Variants in POU6F2 observed in about 807,000 individuals in gnomAD.
The protein encoded by POU6F2 is POU class 6 homeobox 2, also known as POU domain, class 6, transcription factor 2.
Under a neutral mutation model 71.3 loss-of-function variants are expected in POU6F2, and 31 were observed. That is an observed-to-expected ratio of 0.43 (90% CI 0.33 to 0.59). The LOEUF (loss-of-function observed/expected upper bound fraction) is 0.59, where lower values mean the gene tolerates loss of function less well. Ranked by LOEUF, POU6F2 falls within the 20% of genes least tolerant of loss-of-function variation. The pLI, the probability that POU6F2 is intolerant of heterozygous loss-of-function variation, is 0.04. For synonymous variants in POU6F2, 347 were observed against 355.7 expected (o/e 0.98, Z 0.27); for missense variants, 783 against 856.8 (o/e 0.91, Z 1.07).
chr7:39,039,410 A>G (rs953075655), intron 1 of POU6F2, among the ~76,000 whole-genome samples: 21 of 152,058 alleles, frequency 1.4e-4, no homozygotes, highest in East Asian at 9.7e-4. Flanking sequence ...AGATGTCTAC[A>G]TCTTTAATTT....
chr7:39,454,727 TAAAATAAG>T (rs1225904043), intron 8 of POU6F2, among the ~76,000 whole-genome samples: 1 of 94,186 alleles, frequency 1.1e-5, no homozygotes, highest in Non-Finnish European at 2.2e-5. Context: ...TATATATATA[TAAAATAAG>T]ATATATATAT....
rs2128745355 is a variant in POU6F2 at position 39,204,339 on chromosome 7, C to G, written c.369+13C>G. On this transcript the variant is annotated intron_variant, in intron 3 of 9. Transcript: ENST00000518318. ...AGTTGGGCCACAGGTCAGTATCTCT[C>G]AACTGCTTTCCACTGGGCTGCATTT... is the stretch of plus-strand genomic sequence containing the variant. 6.3e-7 allele frequency: 1 copy of G among 1,597,628 alleles called. No homozygotes were observed. Among genetic ancestry groups the G allele is most frequent in the Non-Finnish European group, 8.6e-7 (1 of 1,165,440 alleles).
At chr7:39,051,444 A>G (rs1395364902) in intron 1 of POU6F2, among the ~76,000 whole-genome samples, 2 of 152,162 alleles carry the variant, frequency 1.3e-5, no homozygotes, top group African/African-American at 2.4e-5. Context: ...TTCTATGTAC[A>G]TAATATTCAG....
intron 5 of POU6F2, chr7:39,406,376 C>T (rs1037347868): frequency 5.4e-6 from 3 of 555,700 alleles, no homozygotes; most frequent in Admixed American, 3.1e-5. Context: ...AGCCCTAAAC[C>T]CAGACTCCAC....
intron 1 of POU6F2, among the ~76,000 whole-genome samples, chr7:38,982,238 T>A (rs1286650217): frequency 6.6e-6 from 1 of 152,124 alleles, no homozygotes; most frequent in Non-Finnish European, 1.5e-5. Context: ...TGTGAATGCC[T>A]GTATTTTTGA....
intron 1 of POU6F2, among the ~76,000 whole-genome samples, chr7:39,063,827 C>A (rs913763387): frequency 6.6e-6 from 1 of 151,848 alleles, no homozygotes; most frequent in Admixed American, 6.6e-5. Context: ...CAAAACATCC[C>A]CATTTGGAAA....
chr7:39,169,714 T>C (rs553155248), intron 2 of POU6F2, among the ~76,000 whole-genome samples: 10 of 152,284 alleles, frequency 6.6e-5, no homozygotes, highest in Admixed American at 1.3e-4. Flanking sequence ...CATAGAACAA[T>C]GTCCAGGATG....
intron 4 of POU6F2, among the ~76,000 whole-genome samples, chr7:39,270,159 G>A (rs1784316936): frequency 6.6e-6 from 1 of 152,150 alleles, no homozygotes. Context: ...ATTCCAGCGG[G>A]GGAGACCATT....
intron 2 of POU6F2, among the ~76,000 whole-genome samples, chr7:39,126,453 C>T (rs1044258374): frequency 3.9e-5 from 6 of 152,184 alleles, no homozygotes; most frequent in African/African-American, 1.4e-4. Context: ...TGGCCATGAG[C>T]ACTCCGTCAT....
chr7:39,047,621 T>C (rs1169480560), intron 1 of POU6F2, among the ~76,000 whole-genome samples: 1 of 151,900 alleles, frequency 6.6e-6, no homozygotes, highest in Non-Finnish European at 1.5e-5. Context: ...ACTTTCTCCA[T>C]ACAAGATTAT....
chr7:39,107,079 C>T (rs1791706723), intron 2 of POU6F2, among the ~76,000 whole-genome samples: 1 of 141,866 alleles, frequency 7.0e-6, no homozygotes, highest in Non-Finnish European at 1.5e-5. Flanking sequence ...AAGGCCTACT[C>T]TGTTGCCCAG....
At chr7:39,016,115 A>G (rs1469255663) in intron 1 of POU6F2, among the ~76,000 whole-genome samples, 3 of 115,704 alleles carry the variant, frequency 2.6e-5, no homozygotes, top group Non-Finnish European at 5.0e-5. Flanking sequence ...TCTATATTAT[A>G]TATTATATCT....
intron 3 of POU6F2, among the ~76,000 whole-genome samples, 169 bp downstream of exon 3, chr7:39,204,495 C>T (rs1793966807): frequency 6.6e-6 from 1 of 151,824 alleles, no homozygotes; most frequent in African/African-American, 2.4e-5. Flanking sequence ...TAAATACCAC[C>T]AAGAAAATAT....
chr7:39,154,410 T>G (rs553112119), intron 2 of POU6F2, among the ~76,000 whole-genome samples: 1 of 152,280 alleles, frequency 6.6e-6, no homozygotes, highest in African/African-American at 2.4e-5. Context: ...TACATATAGC[T>G]CTTTGCTTAG....
intron 1 of POU6F2, among the ~76,000 whole-genome samples, chr7:39,020,077 G>C (rs1252681258): frequency 2.0e-5 from 3 of 152,114 alleles, no homozygotes; most frequent in African/African-American, 7.2e-5. Flanking sequence ...GGAACCAGGA[G>C]CAAGTGAGCA....
At chr7:39,171,016 CTT>C (rs760022218) in intron 2 of POU6F2, among the ~76,000 whole-genome samples, 69 of 94,582 alleles carry the variant, frequency 7.3e-4, no homozygotes, top group African/African-American at 2.4e-3. Context: ...TCACATATAT[CTT>C]TTTTTTTTTT....
At chr7:39,395,049 G>A (rs991333670) in intron 5 of POU6F2, among the ~76,000 whole-genome samples, 1 of 152,048 alleles carries the variant, frequency 6.6e-6, no homozygotes, top group African/African-American at 2.4e-5. Context: ...ATTGCTCCCA[G>A]CTACCTCCTG....
intron 2 of POU6F2, among the ~76,000 whole-genome samples, chr7:39,118,278 A>T (rs1458833282): frequency 6.6e-6 from 1 of 152,210 alleles, no homozygotes; most frequent in African/African-American, 2.4e-5. Context: ...CTTCTTTTAA[A>T]TAACAACTGA....
intron 4 of POU6F2, among the ~76,000 whole-genome samples, chr7:39,328,219 G>A (rs532220498): frequency 5.3e-5 from 8 of 152,266 alleles, no homozygotes; most frequent in South Asian, 4.1e-4. Flanking sequence ...GCACCCGACC[G>A]AATCGGGTTT....
Sources: allele counts gnomAD v4.1 joint callset (sites outside exome capture counted in the v4.1 genomes callset), GRCh38; gene constraint gnomAD v4.1.1; transcripts MANE v1.5; gene names NCBI Gene and HGNC (gene_info 2026-07-23, HGNC 2026-07-21).